PRKAR1B: variants seen among roughly 807,000 people sequenced by gnomAD.
The protein encoded by PRKAR1B is cAMP-dependent protein kinase type I-beta regulatory subunit.
PRKAR1B carries 22 observed loss-of-function variants against 46.5 expected under a neutral mutation model. The observed-to-expected ratio is 0.47, with a 90% confidence interval of 0.34 to 0.68. PRKAR1B has a LOEUF of 0.68. Ranked by LOEUF, PRKAR1B falls within the 30% of genes least tolerant of loss-of-function variation. PRKAR1B has a pLI of 0.01. For synonymous variants in PRKAR1B, 259 were observed against 217.7 expected (o/e 1.19, Z -1.67); for missense variants, 445 against 535.6 (o/e 0.83, Z 1.67).
intron 2 of PRKAR1B, among the ~76,000 whole-genome samples, chr7:683,753 G>A (rs910591313): frequency 6.6e-6 from 1 of 152,184 alleles, no homozygotes; most frequent in Non-Finnish European, 1.5e-5. Flanking sequence ...CACCTGCCAC[G>A]TGCCAGGCAC....
At chr7:611,918 G>A (rs1032460547) in intron 4 of PRKAR1B, among the ~76,000 whole-genome samples, 3 of 151,092 alleles carry the variant, frequency 2.0e-5, no homozygotes, top group Admixed American at 6.6e-5. Context: ...TAGATCAACG[G>A]ATGGATGGAT....
chr7:566,288 C>T (rs1444224326), intron 9 of PRKAR1B, among the ~76,000 whole-genome samples: 6 of 151,360 alleles, frequency 4.0e-5, no homozygotes, highest in Admixed American at 6.6e-5. Flanking sequence ...CTCATCTTCA[C>T]CTTCATCATC....
intron 2 of PRKAR1B, among the ~76,000 whole-genome samples, 160 bp from the exon 3 acceptor site, chr7:680,886 ATC>A (rs947685966): frequency 3.3e-5 from 5 of 151,984 alleles, no homozygotes; most frequent in Non-Finnish European, 5.9e-5. Flanking sequence ...CCCCACCCAA[ATC>A]TCTTTTTCTG....
At chr7:636,111 C>CT (rs1784054283) in intron 4 of PRKAR1B, among the ~76,000 whole-genome samples, 1 of 22,084 alleles carries the variant, frequency 4.5e-5, no homozygotes, top group Non-Finnish European at 8.4e-5. Flanking sequence ...CGCGCCCTCA[C>CT]GTCCTCCACC....
intron 6 of PRKAR1B, among the ~76,000 whole-genome samples, 161 bp from the exon 7 acceptor site, chr7:596,465 T>C: frequency 6.6e-6 from 1 of 152,198 alleles, no homozygotes; most frequent in Admixed American, 6.5e-5. Context: ...TCCCCAGCAA[T>C]GGGCCTGTGG....
chr7:556,124 C>T (rs1778412377), intron 9 of PRKAR1B, among the ~76,000 whole-genome samples: 1 of 152,184 alleles, frequency 6.6e-6, no homozygotes, highest in South Asian at 2.1e-4. Context: ...CCAGGCACCC[C>T]CAGGCCACCC....
intron 2 of PRKAR1B, among the ~76,000 whole-genome samples, chr7:706,422 A>ATTTTTTTTTTTTTTTTTTTTT (rs33963335): frequency 2.9e-5 from 3 of 102,294 alleles, no homozygotes; most frequent in Non-Finnish European, 5.6e-5. Flanking sequence ...CAAATAAGGA[A>ATTTTTTTTTTTTTTTTTTTTT]TTTTTTTTTT....
chr7:640,765 A>AACACACACACACACACAC (rs71546454), intron 4 of PRKAR1B, among the ~76,000 whole-genome samples: 2 of 108,086 alleles, frequency 1.9e-5, no homozygotes, highest in South Asian at 3.4e-4. Flanking sequence ...CTCTGTCTCA[A>AACACACACACACACACAC]ACACACACAC....
chr7:668,072 T>A (rs547606359), intron 4 of PRKAR1B, among the ~76,000 whole-genome samples: 1 of 152,180 alleles, frequency 6.6e-6, no homozygotes, highest in Non-Finnish European at 1.5e-5. Context: ...GGGATATCTG[T>A]CTTGAACCTG....
intron 4 of PRKAR1B, among the ~76,000 whole-genome samples, chr7:651,760 C>T (rs565800288): frequency 2.2e-4 from 27 of 124,954 alleles, no homozygotes; most frequent in Non-Finnish European, 4.4e-4. Context: ...CCTGGGGAAA[C>T]CCCTCTCGGA....
rs559916550 is a variant in PRKAR1B at position 576,271 on chromosome 7, C to T, written c.891+2985G>A. On this transcript the variant is annotated intron_variant, in intron 9 of 10. Coordinates refer to ENST00000537384, the MANE Select transcript of PRKAR1B (RefSeq NM_001164760.2). ...TGCACGCTGGAATCACGGCTGGGGTCACTCCCCTCTCGGGGCCCGCCAGAG... is the reference window on the plus strand; with the variant it reads ...TGCACGCTGGAATCACGGCTGGGGTTACTCCCCTCTCGGGGCCCGCCAGAG... Among the ~76,000 whole-genome samples, 8 of 152,154 alleles carry T rather than the reference C, an allele frequency of 5.3e-5. No individual in the cohort carries two copies. The East Asian group carries it at 7.7e-4, about 15-fold the overall frequency.
intron 1 of PRKAR1B, chr7:726,989 AG>A: frequency 7.9e-7 from 1 of 1,270,340 alleles, no homozygotes; most frequent in Middle Eastern, 3.1e-4. Flanking sequence ...GACCCCGCCG[AG>A]GGCTGCCGCG....
At chr7:557,240 A>C (rs1778503543) in intron 9 of PRKAR1B, among the ~76,000 whole-genome samples, 1 of 152,102 alleles carries the variant, frequency 6.6e-6, no homozygotes, top group African/African-American at 2.4e-5. Context: ...CTGGGTTCGA[A>C]TCCCTTCCTC....
intron 2 of PRKAR1B, among the ~76,000 whole-genome samples, chr7:701,773 G>C (rs952924326): frequency 5.3e-5 from 8 of 152,186 alleles, no homozygotes; most frequent in African/African-American, 1.9e-4. Flanking sequence ...ACATGTCCTT[G>C]TCCTTCAGGA....
chr7:695,030 C>CAA (rs924223625), intron 2 of PRKAR1B, among the ~76,000 whole-genome samples: 2 of 78,590 alleles, frequency 2.5e-5, no homozygotes, highest in African/African-American at 4.4e-5. Context: ...GACTCCGTCT[C>CAA]AAAAAAAAAA....
intron 10 of PRKAR1B, among the ~76,000 whole-genome samples, chr7:551,071 G>C (rs1562510825): frequency 6.6e-6 from 1 of 152,032 alleles, no homozygotes; most frequent in Non-Finnish European, 1.5e-5. Context: ...CCCACCCCCA[G>C]CTGCAGGAAT....
intron 4 of PRKAR1B, among the ~76,000 whole-genome samples, chr7:650,147 G>A (rs1298260958): frequency 3.9e-5 from 6 of 152,086 alleles, no homozygotes; most frequent in Non-Finnish European, 8.8e-5. Flanking sequence ...GAAGCATCTG[G>A]CCATGCCGTT....
At chr7:614,198 C>T (rs992312154) in intron 4 of PRKAR1B, among the ~76,000 whole-genome samples, 3 of 152,246 alleles carry the variant, frequency 2.0e-5, no homozygotes, top group Admixed American at 2.0e-4. Context: ...CTGGCTACAT[C>T]TGCCCAACCT....
chr7:639,123 G>A (rs561594619), intron 4 of PRKAR1B, among the ~76,000 whole-genome samples: 2 of 152,136 alleles, frequency 1.3e-5, no homozygotes, highest in African/African-American at 4.8e-5. Flanking sequence ...ATACAGAAAT[G>A]TAAGGGCACT....
Sources: allele counts gnomAD v4.1 joint callset (sites outside exome capture counted in the v4.1 genomes callset), GRCh38; gene constraint gnomAD v4.1.1; transcripts MANE v1.5; gene names NCBI Gene and HGNC (gene_info 2026-07-23, HGNC 2026-07-21).